CORO1C: variants seen among roughly 807,000 people sequenced by gnomAD.
CORO1C encodes coronin 1C.
Under a neutral mutation model 51.2 loss-of-function variants are expected in CORO1C, and 14 were observed. The ratio of observed to expected loss-of-function variants is 0.27; its 90% CI spans 0.18 to 0.43. CORO1C has a LOEUF of 0.43. Ranked by LOEUF, CORO1C falls within the 20% of genes least tolerant of loss-of-function variation. CORO1C has a pLI of 1.00. For missense variants in CORO1C, 417 were observed against 607.8 expected, an observed-to-expected ratio of 0.69 and a Z score of 3.30; for synonymous variants, 181 against 210.5, an observed-to-expected ratio of 0.86 and a Z score of 1.21.
At chr12:108,727,963 A>G (rs929716152) in intron 1 of CORO1C, among the ~76,000 whole-genome samples, 2 of 152,260 alleles carry the variant, frequency 1.3e-5, no homozygotes, top group African/African-American at 4.8e-5. Flanking sequence ...TTACACATAC[A>G]AATGTTCACC....
At chr12:108,661,713 T>A (rs1018113891) in intron 4 of CORO1C, among the ~76,000 whole-genome samples, 1 of 152,118 alleles carries the variant, frequency 6.6e-6, no homozygotes, top group Non-Finnish European at 1.5e-5. Flanking sequence ...AAGTACACCT[T>A]CTACCATATC....
intron 1 of CORO1C, chr12:108,702,129 G>A (rs919003083): frequency 1.3e-5 from 2 of 152,464 alleles, no homozygotes; most frequent in African/African-American, 2.4e-5. Context: ...AATGTGGCAG[G>A]AGCACACTGG....
intron 10 of CORO1C, among the ~76,000 whole-genome samples, chr12:108,648,176 C>A (rs1007678794): frequency 2.6e-5 from 4 of 152,176 alleles, no homozygotes; most frequent in Non-Finnish European, 5.9e-5. Context: ...TACATCTGAA[C>A]ACGTGCCACT....
chr12:108,658,948 G>C lies in CORO1C; in HGVS notation c.449-29C>G, dbSNP rs746923531. ...AAACAGGCAAAACCATCAGAGATTA[G>C]AAGATTAGAAACACCTATGTAACAC... On this transcript the variant is annotated intron_variant, in intron 4 of 10. Coordinates refer to ENST00000261401, the MANE Select transcript of CORO1C (RefSeq NM_014325.4). This position sits in a 1 kb window ranked among gnomAD's most constrained non-coding sequence, Gnocchi z 4.9. The C allele has an allele frequency of 6.3e-7, 1 of 1,591,266 alleles. No individual in the cohort carries two copies. Among genetic ancestry groups the C allele is most frequent in the African/African-American group, 1.3e-5 (1 of 74,604 alleles).
intron 2 of CORO1C, among the ~76,000 whole-genome samples, chr12:108,700,619 A>G (rs2034836090): frequency 6.6e-6 from 1 of 151,586 alleles, no homozygotes. Context: ...TATTGAGGAC[A>G]TTTTCTTGAG....
intron 3 of CORO1C, among the ~76,000 whole-genome samples, chr12:108,670,528 A>T: frequency 6.6e-6 from 1 of 152,216 alleles, no homozygotes; most frequent in East Asian, 1.9e-4. Context: ...GAGGCTACAT[A>T]AAAGCCAGGC....
intron 1 of CORO1C, among the ~76,000 whole-genome samples, chr12:108,706,126 G>GCAGTAAGCCGAGACAGTGCCA (rs2035021781): frequency 6.9e-6 from 1 of 145,934 alleles, no homozygotes; most frequent in Non-Finnish European, 1.5e-5. Context: ...GATAGCAGTT[G>GCAGTAAGCCGAGACAGTGCCA]CAGTAAGCCG....
In CORO1C at chr12:108,726,153, T is replaced by C. The variant is rs2035584480; in HGVS notation, c.-6+5276A>G. 2.0e-5 allele frequency among the ~76,000 whole-genome samples: 3 copies of C among 152,292 alleles called. No individual in the cohort carries two copies. In the South Asian group the frequency reaches 6.2e-4, roughly 32 times the overall value. On this transcript the variant is annotated intron_variant, in intron 1 of 10. Transcript: ENST00000261401. ...CGGCATGAAATATTTTTAATTAAAG[T>C]ATTTTAAAAATAAACATAATCTGGG...
chr12:108,648,978 CATA>C lies in CORO1C; in HGVS notation c.1041_1043del (p.Ile347del). The C allele has an allele frequency of 6.2e-7, 1 of 1,614,118 alleles. No homozygotes were observed. Reference sequence around the variant, plus strand: ...CAGCACTCACCTTCCTGGGAACAGTCATAATAATAGGTTCACACTTTCTCTCAT... The same window carrying C: ...CAGCACTCACCTTCCTGGGAACAGTCATAATAGGTTCACACTTTCTCTCAT... On this transcript the variant is annotated inframe_deletion, in exon 9 of 11. Coordinates refer to ENST00000261401, the MANE Select transcript of CORO1C (RefSeq NM_014325.4).
intron 10 of CORO1C, among the ~76,000 whole-genome samples, chr12:108,647,986 G>T (rs1384038627): frequency 6.6e-6 from 1 of 152,114 alleles, no homozygotes; most frequent in Non-Finnish European, 1.5e-5. Flanking sequence ...CCCTTGCCCT[G>T]TGTGTCCACT....
intron 6 of CORO1C, 121 bp downstream of exon 6, chr12:108,657,183 A>G (rs2033063895): frequency 7.5e-7 from 1 of 1,335,646 alleles, no homozygotes; most frequent in African/African-American, 1.5e-5. Context: ...CCAATCTAAG[A>G]CAATCAGGCG....
chr12:108,650,534 A>T (rs1053628679), intron 8 of CORO1C, among the ~76,000 whole-genome samples: 1 of 152,218 alleles, frequency 6.6e-6, no homozygotes, highest in South Asian at 2.1e-4. Context: ...TATAGCCAAT[A>T]AAAAGACTGA....
At chr12:108,678,145 C>T in intron 3 of CORO1C, 127 bp downstream of exon 3, 1 of 687,480 alleles carries the variant, frequency 1.5e-6, no homozygotes, top group Non-Finnish European at 2.2e-6. Flanking sequence ...ATCCAACAGA[C>T]AGTCAAAACT....
chr12:108,723,398 G>A (rs763778114), intron 1 of CORO1C, among the ~76,000 whole-genome samples: 1 of 152,166 alleles, frequency 6.6e-6, no homozygotes. Flanking sequence ...AGCAAATAAT[G>A]GTGATTAAAC....
At chr12:108,666,048 G>C (rs1412385093) in intron 3 of CORO1C, among the ~76,000 whole-genome samples, 1 of 152,234 alleles carries the variant, frequency 6.6e-6, no homozygotes, top group Non-Finnish European at 1.5e-5. Flanking sequence ...TACGAAATTA[G>C]CTTCCTGCTA....
chr12:108,670,499 G>C (rs1304586772), intron 3 of CORO1C, among the ~76,000 whole-genome samples: 5 of 152,186 alleles, frequency 3.3e-5, no homozygotes, highest in Admixed American at 1.3e-4. Flanking sequence ...ATAGCAGTAA[G>C]AGGGATAAAA....
chr12:108,697,772 G>A (rs528916633), intron 2 of CORO1C, among the ~76,000 whole-genome samples: 1 of 152,276 alleles, frequency 6.6e-6, no homozygotes, highest in Non-Finnish European at 1.5e-5. Flanking sequence ...AGTGCTCCTG[G>A]AGGGCACAGA....
chr12:108,726,183 C>T (rs1409832725), intron 1 of CORO1C, among the ~76,000 whole-genome samples: 2 of 151,930 alleles, frequency 1.3e-5, no homozygotes, highest in African/African-American at 4.8e-5. Flanking sequence ...TCTGGGAGGC[C>T]GAGGCGGGCG....
chr12:108,666,699 C>G (rs1334828305), intron 3 of CORO1C, among the ~76,000 whole-genome samples: 1 of 152,150 alleles, frequency 6.6e-6, no homozygotes, highest in African/African-American at 2.4e-5. Flanking sequence ...AGGCTCCTGT[C>G]AGAGCTGGGA....
Sources: gnomAD v4.1 joint callset for allele counts (sites outside exome capture counted in the v4.1 genomes callset) on GRCh38, gnomAD v4.1.1 for gene constraint, Gnocchi (gnomAD v3.1) non-coding constraint, MANE v1.5 for transcripts, NCBI Gene and HGNC (gene_info 2026-07-23, HGNC 2026-07-21) for gene names.